The following DLGAP2 variants were observed in gnomAD, a reference collection of about 807,000 sequenced individuals.
DLGAP2 encodes disks large-associated protein 2.
DLGAP2 carries 26 observed loss-of-function variants against 100.3 expected under a neutral mutation model. That is an observed-to-expected ratio of 0.26 (90% CI 0.19 to 0.36). The LOEUF (loss-of-function observed/expected upper bound fraction) is 0.36, where lower values mean the gene tolerates loss of function less well. Ranked by LOEUF, DLGAP2 falls within the 10% of genes least tolerant of loss-of-function variation. The pLI, the probability that DLGAP2 is intolerant of heterozygous loss-of-function variation, is 1.00. For missense variants in DLGAP2, 1,858 were observed against 1,453.2 expected (o/e 1.28, Z -4.53); for synonymous variants, 886 against 630.1 (o/e 1.41, Z -6.08).
At chr8:1,576,154 G>A (rs373922313) in intron 6 of DLGAP2, among the ~76,000 whole-genome samples, 27 of 152,150 alleles carry the variant, frequency 1.8e-4, no homozygotes, top group East Asian at 1.2e-3. Flanking sequence ...TTTAATGATC[G>A]CCATTCTAAC....
At chr8:1,135,621 G>A (rs574301219) in intron 2 of DLGAP2, among the ~76,000 whole-genome samples, 19 of 141,180 alleles carry the variant, frequency 1.3e-4, no homozygotes, top group Non-Finnish European at 2.6e-4. Flanking sequence ...ACATTCTCAA[G>A]GTGATCCCTT....
intron 3 of DLGAP2, among the ~76,000 whole-genome samples, chr8:1,495,604 TC>T (rs1799521783): frequency 6.6e-6 from 1 of 152,198 alleles, no homozygotes; most frequent in African/African-American, 2.4e-5. Context: ...AACGTTTGCC[TC>T]TGCACCTACT....
chr8:1,621,871 T>G (rs549825011), intron 6 of DLGAP2: 6 of 152,092 alleles, frequency 3.9e-5, no homozygotes, highest in Non-Finnish European at 8.8e-5. Context: ...GCATCCCAGA[T>G]GTGGGTGCCA....
intron 3 of DLGAP2, among the ~76,000 whole-genome samples, chr8:1,492,154 G>C (rs1799407999): frequency 1.3e-5 from 2 of 152,164 alleles, no homozygotes; most frequent in Admixed American, 6.5e-5. Context: ...GTGGAGACTT[G>C]ATCCTCGGTC....
intron 2 of DLGAP2, among the ~76,000 whole-genome samples, chr8:1,093,233 A>ACAGAAACACCTTCACACCCGCAGC (rs1217829024): frequency 1.4e-4 from 22 of 151,920 alleles, no homozygotes; most frequent in Non-Finnish European, 2.5e-4. Context: ...CAACAGCCAG[A>ACAGAAACACCTTCACACCCGCAGC]CAGAAACACC....
chr8:947,402 GC>G (rs1460801397), intron 2 of DLGAP2, among the ~76,000 whole-genome samples: 1 of 152,232 alleles, frequency 6.6e-6, no homozygotes, highest in Non-Finnish European at 1.5e-5. Context: ...TTTTCATGTT[GC>G]GCTGGCCTTG....
chr8:1,072,397 T>C (rs984939177), intron 2 of DLGAP2, among the ~76,000 whole-genome samples: 4 of 152,240 alleles, frequency 2.6e-5, no homozygotes, highest in African/African-American at 9.6e-5. Flanking sequence ...GAAAATTTGA[T>C]GAGTTTGATT....
rs1798643124 is a variant in DLGAP2, at chr8:1,669,762, A to G, written c.2180A>G (p.His727Arg). 1 of 780,822 alleles carries G rather than the reference A, an allele frequency of 1.3e-6. No homozygotes were observed. Among genetic ancestry groups the G allele is most frequent in the Non-Finnish European group, 2.4e-6 (1 of 417,996 alleles). The allele number at this position is 780,822 out of a possible 1,614,324, so 48.4% of individuals were successfully genotyped here. Residue 727 changes from histidine to arginine, a missense_variant, in exon 10 of 15, where the codon CAT becomes CGT. His to Arg is a conservative substitution (Grantham distance 29, BLOSUM62 0). Coordinates refer to ENST00000637795, the MANE Select transcript of DLGAP2 (RefSeq NM_001346810.2). Reference sequence around the variant, plus strand: ...GTTTAGGATTCTGAATTCCCAGAGCATCAGCCATACCCAAGGTCAGATGTA... The same window carrying G: ...GTTTAGGATTCTGAATTCCCAGAGCGTCAGCCATACCCAAGGTCAGATGTA... ...IGIQDSEFPE[H>R]QPYPRSDVET...
At position 1,160,445 on chromosome 8, in the gene DLGAP2, C is replaced by G. The variant is rs192634363; in HGVS notation, c.74-98406C>G. ...AGTGTGCACGTGTGCATAATTTTCTCTAGCCTTGGAGGTGCTTTTTATTCA... is the reference window on the plus strand; with the variant it reads ...AGTGTGCACGTGTGCATAATTTTCTGTAGCCTTGGAGGTGCTTTTTATTCA... On this transcript the variant is annotated intron_variant, in intron 2 of 14. Coordinates refer to ENST00000637795, the MANE Select transcript of DLGAP2 (RefSeq NM_001346810.2). Among the ~76,000 whole-genome samples the G allele has an allele frequency of 1.8e-3, 272 of 152,330 alleles. 2 individuals are homozygous for G. The highest frequency in any genetic ancestry group is 0.018 in the South Asian group (85 of 4,826).
chr8:1,277,444 G>T (rs1354680164), intron 3 of DLGAP2, among the ~76,000 whole-genome samples: 2 of 152,126 alleles, frequency 1.3e-5, no homozygotes, highest in Non-Finnish European at 2.9e-5. Flanking sequence ...ACAAACATCT[G>T]ACCTGTGATA....
At chr8:1,363,366 C>A (rs191744981) in intron 3 of DLGAP2, among the ~76,000 whole-genome samples, 2 of 152,148 alleles carry the variant, frequency 1.3e-5, no homozygotes, top group Non-Finnish European at 2.9e-5. Context: ...CTCGCCGGTC[C>A]CACGTCCGTG....
In DLGAP2 at chr8:1,370,120, T is replaced by C. The variant is rs545073063; in HGVS notation, c.106+111237T>C. Among the ~76,000 whole-genome samples, 3 of 152,262 alleles carry C rather than the reference T, an allele frequency of 2.0e-5. No individual in the cohort carries two copies. In the South Asian group the frequency reaches 6.2e-4, roughly 32 times the overall value. On this transcript the variant is annotated intron_variant, in intron 3 of 14. Transcript: ENST00000637795. ...TTTTCTCCCACAGGTCTTCGGATATTTATGACAATTGGAAAGGTCTTCCTC... is the reference window on the plus strand; with the variant it reads ...TTTTCTCCCACAGGTCTTCGGATATCTATGACAATTGGAAAGGTCTTCCTC...
chr8:1,128,991 A>G (rs1330867205), intron 2 of DLGAP2, among the ~76,000 whole-genome samples: 3 of 152,216 alleles, frequency 2.0e-5, no homozygotes, highest in Non-Finnish European at 2.9e-5. Context: ...GGAACTTACA[A>G]TTCTTTGCCC....
chr8:1,256,714 C>T (rs568785961), intron 2 of DLGAP2, among the ~76,000 whole-genome samples: 5 of 152,290 alleles, frequency 3.3e-5, no homozygotes, highest in East Asian at 3.9e-4. Context: ...CCTCTGTTCC[C>T]GAGTGAGATG....
intron 3 of DLGAP2, among the ~76,000 whole-genome samples, chr8:1,465,177 C>G (rs1798589998): frequency 6.6e-6 from 1 of 152,232 alleles, no homozygotes; most frequent in African/African-American, 2.4e-5. Context: ...ATCACAAGCT[C>G]CAGGAGCTTC....
chr8:998,151 C>A (rs1800840414), intron 2 of DLGAP2, among the ~76,000 whole-genome samples: 1 of 152,214 alleles, frequency 6.6e-6, no homozygotes, highest in Admixed American at 6.5e-5. Context: ...GCATACACAA[C>A]ACACATACAC....
intron 2 of DLGAP2, among the ~76,000 whole-genome samples, chr8:1,166,309 C>T (rs142486329): frequency 1.3e-5 from 2 of 152,292 alleles, no homozygotes; most frequent in Non-Finnish European, 2.9e-5. Flanking sequence ...TCCTTATTCC[C>T]GAGGCCCCGG....
intron 3 of DLGAP2, among the ~76,000 whole-genome samples, chr8:1,421,863 C>A (rs929329567): frequency 1.3e-5 from 2 of 151,894 alleles, no homozygotes; most frequent in African/African-American, 4.8e-5. Flanking sequence ...ACTCAAGAGG[C>A]TCTGAGGCAG....
chr8:1,053,310 A>C (rs1038074434), intron 2 of DLGAP2, among the ~76,000 whole-genome samples: 1 of 152,172 alleles, frequency 6.6e-6, no homozygotes, highest in Non-Finnish European at 1.5e-5. Context: ...TGCCTTCTTC[A>C]TAAGATGGTT....
Sources: allele counts gnomAD v4.1 joint callset (sites outside exome capture counted in the v4.1 genomes callset), GRCh38; gene constraint gnomAD v4.1.1; transcripts MANE v1.5; gene names NCBI Gene and HGNC (gene_info 2026-07-23, HGNC 2026-07-21).